Variants in PTAR1 observed in about 807,000 individuals in gnomAD.
PTAR1 encodes protein prenyltransferase alpha subunit repeat containing 1.
Under a neutral mutation model 45.5 loss-of-function variants are expected in PTAR1, and 17 were observed. That is an observed-to-expected ratio of 0.37 (90% confidence interval 0.26 to 0.56). PTAR1 has a LOEUF of 0.56. PTAR1 is among the 20% of genes least tolerant of loss of function. The pLI is 0.77. For synonymous variants in PTAR1, 169 were observed against 171.3 expected (o/e 0.99, Z 0.11); for missense variants, 391 against 476.3 (o/e 0.82, Z 1.67).
intron 1 of PTAR1, 52 bp from the exon 2 acceptor site, chr9:69,751,002 C>T: frequency 8.0e-7 from 1 of 1,246,822 alleles, no homozygotes; most frequent in South Asian, 1.6e-5. Flanking sequence ...CTAACCTTTT[C>T]AACATTTTTC....
chr9:69,735,046 T>A (rs1588462760), intron 3 of PTAR1, among the ~76,000 whole-genome samples: 2 of 152,362 alleles, frequency 1.3e-5, no homozygotes, highest in Middle Eastern at 6.8e-3. Flanking sequence ...TTTTGTATTC[T>A]TACTTTGGAT....
At chr9:69,726,183 G>A (rs1825267300) in intron 5 of PTAR1, among the ~76,000 whole-genome samples, 1 of 151,896 alleles carries the variant, frequency 6.6e-6, no homozygotes, top group Non-Finnish European at 1.5e-5. Context: ...TTATTTTGTT[G>A]GCCAGAGATC....
Position 69,741,850 on chromosome 9 carries a change from C to A in PTAR1, c.265G>T (p.Asp89Tyr). ...AGAAGCAGCAGGGTACATGTGACATCTATCAATTCTAAAATAAAGAGAAGT... is the reference window on the plus strand; with the variant it reads ...AGAAGCAGCAGGGTACATGTGACATATATCAATTCTAAAATAAAGAGAAGT... The part of the protein sequence containing the change: ...KQWLNRDELI[D>Y]VTCTLLLLNP... The change falls in exon 3 of 8, where the codon GAT (aspartate) becomes TAT (tyrosine). Residue 89 changes from aspartate to tyrosine, a missense_variant. Transcript: ENST00000340434. 6.3e-7 allele frequency: 1 copy of A among 1,587,370 alleles called. No homozygotes were observed.
chr9:69,723,506 G>A lies in PTAR1; in HGVS notation c.767C>T (p.Ser256Phe). ...SLISQTVIDSSVMEQNPLRSE... is the reference protein window; with the variant it reads ...SLISQTVIDSFVMEQNPLRSE... ...TCTCAAAGGATTTTGCTCCATCACA[G>A]AACTGTCTATCACAGTTTGGCTAAT... Residue 256 changes from serine to phenylalanine, a missense_variant, in exon 6 of 8, where the codon TCT becomes TTT. Physicochemically the swap from Ser to Phe is radical, Grantham distance 155 (BLOSUM62 -2). Around this residue, in one of 5 missense-constraint regions of PTAR1, gnomAD observed 181 missense variants for 227.7 expected, o/e 0.80. Transcript: ENST00000340434. 6.2e-7 allele frequency: 1 copy of A among 1,613,868 alleles called. No homozygotes were observed.
chr9:69,732,471 G>C (rs1368440309), intron 4 of PTAR1, 119 bp from the exon 5 acceptor site: 1 of 700,910 alleles, frequency 1.4e-6, no homozygotes, highest in East Asian at 2.7e-5. Context: ...AATAATACCT[G>C]TTTATAAGTC....
chr9:69,741,581 C>G (rs1008916748), intron 3 of PTAR1: 1 of 541,782 alleles, frequency 1.8e-6, no homozygotes, highest in Non-Finnish European at 3.3e-6. Context: ...CTCAACATGA[C>G]AATTTATATT....
chr9:69,718,578 G>A lies in PTAR1; in HGVS notation c.983-10C>T. On this transcript the variant is annotated splice_polypyrimidine_tract_variant and intron_variant, in intron 7 of 7. Transcript: ENST00000340434. Reference sequence around the variant, plus strand: ...GACAGCTGGGAGCCTGCTGGGATAAGGTGCAAGTCACTCAAAGTCCCCCCA... The same window carrying A: ...GACAGCTGGGAGCCTGCTGGGATAAAGTGCAAGTCACTCAAAGTCCCCCCA... 1 of 1,613,628 alleles carries A rather than the reference G, an allele frequency of 6.2e-7. No homozygotes were observed.
chr9:69,755,776 T>A (rs13293591), intron 1 of PTAR1, among the ~76,000 whole-genome samples: 6 of 152,016 alleles, frequency 3.9e-5, no homozygotes, highest in Non-Finnish European at 7.4e-5. Flanking sequence ...AGAAACCTTA[T>A]AGGCTTTCTC....
In PTAR1 at chr9:69,717,446, T is replaced by G. The variant is rs1052024051; in HGVS notation, c.*896A>C. 1 of 152,168 alleles carries G rather than the reference T, an allele frequency of 6.6e-6. No homozygotes were observed. The highest frequency in any genetic ancestry group is 1.5e-5 in the Non-Finnish European group (1 of 68,032). 9.4% of individuals were successfully genotyped at this position (152,168 alleles called of 1,614,324 possible). A position where few individuals can be genotyped will look rare whatever the true frequency, so the allele number is the denominator to read the frequency against. ...AATCTATCAAAACTAGCAATAAAAATAATTTTCCTTTACTGCAATTACATA... is the reference window on the plus strand; with the variant it reads ...AATCTATCAAAACTAGCAATAAAAAGAATTTTCCTTTACTGCAATTACATA... On this transcript the variant is annotated 3_prime_UTR_variant, in exon 8 of 8. Coordinates refer to ENST00000340434, the MANE Select transcript of PTAR1 (RefSeq NM_001099666.2).
chr9:69,715,421 T>C lies in PTAR1; in HGVS notation c.*2921A>G, dbSNP rs564206145. 1.3e-5 allele frequency: 2 copies of C among 152,224 alleles called. No individual in the cohort carries two copies. Among genetic ancestry groups the C allele is most frequent in the South Asian group, 2.1e-4 (1 of 4,830 alleles). 9.4% of individuals were successfully genotyped at this position (152,224 alleles called of 1,614,324 possible). ...GTCCTCACAATGTGCAGGGCACAAG[T>C]AGAATCTGGAAAACACCGTACTGCC... On this transcript the variant is annotated 3_prime_UTR_variant, in exon 8 of 8. Transcript: ENST00000340434.
intron 5 of PTAR1, among the ~76,000 whole-genome samples, chr9:69,730,251 A>G (rs943271734): frequency 3.9e-5 from 6 of 152,038 alleles, no homozygotes; most frequent in African/African-American, 1.2e-4. Context: ...TGAACCCAGG[A>G]GTGGACCCTG....
intron 3 of PTAR1, chr9:69,741,487 C>T (rs542605391): frequency 2.4e-5 from 7 of 292,678 alleles, no homozygotes; most frequent in Non-Finnish European, 4.6e-5. Context: ...CCTTATAAGC[C>T]AACCAGTTAT....
At chr9:69,756,549 T>C (rs1339691567) in intron 1 of PTAR1, among the ~76,000 whole-genome samples, 2 of 151,952 alleles carry the variant, frequency 1.3e-5, no homozygotes, top group Non-Finnish European at 2.9e-5. Flanking sequence ...TAAATGAGAG[T>C]CAAGGATCTC....
Position 69,714,609 on chromosome 9 carries a change from T to C in PTAR1, c.*3733A>G, listed in dbSNP as rs1001580295. On this transcript the variant is annotated 3_prime_UTR_variant, in exon 8 of 8. Coordinates refer to ENST00000340434, the MANE Select transcript of PTAR1 (RefSeq NM_001099666.2). ...ACGATCTACTATGTATTTGCTTTCC[T>C]GCAAACTACTGCATAAAAATCCAAA... 1 of 152,160 alleles carries C rather than the reference T, an allele frequency of 6.6e-6. No homozygotes were observed. Among genetic ancestry groups the C allele is most frequent in the African/African-American group, 2.4e-5 (1 of 41,462 alleles). The allele number at this position is 152,160 out of a possible 1,614,324, so 9.4% of individuals were successfully genotyped here. A position where few individuals can be genotyped will look rare whatever the true frequency, so the allele number is the denominator to read the frequency against.
At chr9:69,759,762 G>A (rs1826999587) in intron 1 of PTAR1, 91 bp downstream of exon 1, 4 of 1,329,310 alleles carry the variant, frequency 3.0e-6, no homozygotes, top group East Asian at 3.1e-5. Context: ...AGGACCCGCT[G>A]TCCGCCCGCC....
At chr9:69,744,233 T>C (rs1826169950) in intron 2 of PTAR1, among the ~76,000 whole-genome samples, 2 of 152,116 alleles carry the variant, frequency 1.3e-5, no homozygotes, top group Non-Finnish European at 2.9e-5. Context: ...ACACACGTCC[T>C]ACCCGCCTAC....
At chr9:69,726,716 AC>A (rs1825296300) in intron 5 of PTAR1, among the ~76,000 whole-genome samples, 1 of 151,950 alleles carries the variant, frequency 6.6e-6, no homozygotes, top group Non-Finnish European at 1.5e-5. Flanking sequence ...TTGTGTGATT[AC>A]TTTTCCTTTG....
Position 69,753,665 on chromosome 9 carries a change from GCAGCTATTTTCATGTGAGGAGAATAAAAA to G in PTAR1, c.87-2744_87-2716del, listed in dbSNP as rs1826634119. Among the ~76,000 whole-genome samples, 3 of 152,278 alleles carry G rather than the reference GCAGCTATTTTCATGTGAGGAGAATAAAAA, an allele frequency of 2.0e-5. No individual in the cohort carries two copies. The East Asian group carries it at 5.8e-4, about 29-fold the overall frequency. On this transcript the variant is annotated intron_variant, in intron 1 of 7. Coordinates refer to ENST00000340434, the MANE Select transcript of PTAR1 (RefSeq NM_001099666.2). ...TCAAATTTTATGACTGAGAAACCTAGCAGCTATTTTCATGTGAGGAGAATAAAAACAGTCTTAACAGATAATGTAGAGCA... is the reference window on the plus strand; with the variant it reads ...TCAAATTTTATGACTGAGAAACCTAGCAGTCTTAACAGATAATGTAGAGCA...
chr9:69,758,688 T>C (rs375556045), intron 1 of PTAR1: 189 of 415,470 alleles, frequency 4.5e-4, no homozygotes, highest in Middle Eastern at 1.4e-3. Context: ...GCTTCTTAAC[T>C]GTTTTACAAT....
Sources: allele counts gnomAD v4.1 joint callset (sites outside exome capture counted in the v4.1 genomes callset), GRCh38; gene constraint gnomAD v4.1.1; regional missense constraint gnomAD v4.1.1; transcripts MANE v1.5; gene names NCBI Gene and HGNC (gene_info 2026-07-23, HGNC 2026-07-21).